ZEB1: variants seen among roughly 807,000 people sequenced by gnomAD.
ZEB1 encodes the protein zinc finger E-box-binding homeobox 1.
ZEB1 carries 21 observed loss-of-function variants against 84.9 expected under a neutral mutation model. That is an observed-to-expected ratio of 0.25 (90% confidence interval 0.18 to 0.36). The LOEUF is 0.36. ZEB1 is among the 10% of genes least tolerant of loss of function. The pLI is 1.00. For synonymous variants in ZEB1, 420 were observed against 471.1 expected (o/e 0.89, Z 1.41); for missense variants, 1,104 against 1,330.2 (o/e 0.83, Z 2.65).
chr10:31,325,355 T>G (rs1305900558), intron 1 of ZEB1, among the ~76,000 whole-genome samples: 1 of 152,096 alleles, frequency 6.6e-6, no homozygotes, highest in African/African-American at 2.4e-5. Flanking sequence ...AACTTTAAGC[T>G]TTTTTCATTC....
intron 1 of ZEB1, among the ~76,000 whole-genome samples, chr10:31,445,535 T>A (rs1024573529): frequency 1.3e-5 from 2 of 151,914 alleles, no homozygotes; most frequent in African/African-American, 4.8e-5. Flanking sequence ...CCATTCAGTA[T>A]GATATTGGCT....
intron 1 of ZEB1, among the ~76,000 whole-genome samples, chr10:31,323,090 T>TAA (rs140400385): frequency 6.6e-6 from 1 of 152,132 alleles, no homozygotes; most frequent in Non-Finnish European, 1.5e-5. Flanking sequence ...AAATTTGAGT[T>TAA]ATTTAAGTCT....
At position 31,521,824 on chromosome 10, in the gene ZEB1, C is replaced by A. The variant is rs757070078; in HGVS notation, c.2492C>A (p.Ala831Asp). ...QNSVPCLRAL[A>D]ANKQTILIPQ... ...AGTGTTCCATGCTTAAGAGCGCTAG[C>A]TGCCAATAAGCAAACGATTCTGATT... Residue 831 changes from alanine (A) to aspartate (D), a missense_variant, in exon 7 of 9, where the codon GCT (alanine) becomes GAT (aspartate). Transcript: ENST00000424869. 9.3e-6 allele frequency: 15 copies of A among 1,613,532 alleles called. No homozygotes were observed.
chr10:31,363,796 G>A (rs766270580), intron 1 of ZEB1: 201 of 1,323,164 alleles, frequency 1.5e-4, no homozygotes, highest in Non-Finnish European at 1.8e-4. Context: ...TGGGGTGCCC[G>A]TGTTCCGAGG....
chr10:31,489,186 G>C (rs780270177), intron 2 of ZEB1, among the ~76,000 whole-genome samples: 1 of 151,006 alleles, frequency 6.6e-6, no homozygotes, highest in Non-Finnish European at 1.5e-5. Context: ...CTGTTTTCTT[G>C]GCAAATTGAC....
At chr10:31,477,757 T>G (rs2064441652) in intron 2 of ZEB1, among the ~76,000 whole-genome samples, 1 of 151,782 alleles carries the variant, frequency 6.6e-6, no homozygotes, top group African/African-American at 2.4e-5. Flanking sequence ...AAATAAACAA[T>G]GGGGAAAGGA....
chr10:31,486,233 C>T (rs1036165901), intron 2 of ZEB1, among the ~76,000 whole-genome samples: 1 of 151,570 alleles, frequency 6.6e-6, no homozygotes. Flanking sequence ...GTTTTCATTT[C>T]TCTAGGGTAA....
chr10:31,342,105 G>A (rs1256982748), intron 1 of ZEB1, among the ~76,000 whole-genome samples: 2 of 152,172 alleles, frequency 1.3e-5, no homozygotes, highest in Non-Finnish European at 2.9e-5. Context: ...GAAGATTCTA[G>A]AATGTAAGTT....
At position 31,524,078 on chromosome 10, in the gene ZEB1, G is replaced by C; in HGVS notation, c.2750G>C (p.Ser917Thr). 6.2e-7 allele frequency: 1 copy of C among 1,613,792 alleles called. No individual in the cohort carries two copies. Among genetic ancestry groups the C allele is most frequent in the Non-Finnish European group, 8.5e-7 (1 of 1,179,872 alleles). Residue 917 changes from serine to threonine, a missense_variant, in exon 8 of 9, where the codon AGT becomes ACT. Coordinates refer to ENST00000424869, the MANE Select transcript of ZEB1 (RefSeq NM_001174096.2). The part of the protein sequence containing the change: ...CDLCDKIFQK[S>T]SSLLRHKYEH... ...TTGTGTGACAAGATATTCCAAAAGAGTAGTTCATTATTGAGACATAAATAT... is the reference window on the plus strand; with the variant it reads ...TTGTGTGACAAGATATTCCAAAAGACTAGTTCATTATTGAGACATAAATAT...
intron 1 of ZEB1, among the ~76,000 whole-genome samples, chr10:31,411,567 G>A (rs1262675806): frequency 6.7e-6 from 1 of 148,802 alleles, no homozygotes; most frequent in Non-Finnish European, 1.5e-5. Context: ...GGGAAGCGGA[G>A]CTTGCAGTGA....
intron 1 of ZEB1, among the ~76,000 whole-genome samples, chr10:31,324,369 T>G (rs1189629666): frequency 6.6e-6 from 1 of 152,056 alleles, no homozygotes; most frequent in African/African-American, 2.4e-5. Flanking sequence ...TGATTTCTCA[T>G]AGTTGTGTTT....
At chr10:31,455,286 G>A (rs1011072663) in intron 1 of ZEB1, among the ~76,000 whole-genome samples, 7 of 152,132 alleles carry the variant, frequency 4.6e-5, no homozygotes, top group Non-Finnish European at 5.9e-5. Flanking sequence ...AGACTGAAAC[G>A]TAAGACCTAA....
intron 1 of ZEB1, among the ~76,000 whole-genome samples, chr10:31,411,410 T>G (rs1384423546): frequency 6.6e-6 from 1 of 152,098 alleles, no homozygotes; most frequent in Non-Finnish European, 1.5e-5. Flanking sequence ...GGCGAGTGGA[T>G]CATGAGGTCA....
At chr10:31,392,647 A>G (rs895034242) in intron 1 of ZEB1, among the ~76,000 whole-genome samples, 2 of 152,094 alleles carry the variant, frequency 1.3e-5, no homozygotes, top group Admixed American at 1.3e-4. Context: ...AAGTCTGCCT[A>G]GTTTAAGATC....
intron 1 of ZEB1, among the ~76,000 whole-genome samples, chr10:31,395,856 A>G (rs1295292597): frequency 6.6e-6 from 1 of 152,216 alleles, no homozygotes; most frequent in Non-Finnish European, 1.5e-5. Context: ...ATAGACTTTT[A>G]TGCCAGCCAG....
chr10:31,388,187 A>G (rs2048981988), intron 1 of ZEB1, among the ~76,000 whole-genome samples: 1 of 152,188 alleles, frequency 6.6e-6, no homozygotes, highest in African/African-American at 2.4e-5. Flanking sequence ...ACTTTGAATA[A>G]CAAGAGACTA....
intron 1 of ZEB1, among the ~76,000 whole-genome samples, chr10:31,388,834 C>T (rs574978572): frequency 6.6e-6 from 1 of 151,978 alleles, no homozygotes; most frequent in Admixed American, 6.6e-5. Flanking sequence ...GTTGAGAAAA[C>T]ACTTTGAATT....
At chr10:31,387,580 T>C (rs2048853172) in intron 1 of ZEB1, 3 of 317,218 alleles carry the variant, frequency 9.5e-6, no homozygotes, top group African/African-American at 4.5e-5. Context: ...TTCTTGTATG[T>C]CTTGAGATAT....
intron 2 of ZEB1, among the ~76,000 whole-genome samples, chr10:31,490,361 CTT>C (rs1220429378): frequency 2.6e-5 from 4 of 151,432 alleles, no homozygotes; most frequent in Admixed American, 6.6e-5. Context: ...TCCTGAGACT[CTT>C]TATTTTTTAA....
Sources: allele counts gnomAD v4.1 joint callset (sites outside exome capture counted in the v4.1 genomes callset), GRCh38; gene constraint gnomAD v4.1.1; transcripts MANE v1.5; gene names NCBI Gene and HGNC (gene_info 2026-07-23, HGNC 2026-07-21).